SDF2: variants seen among roughly 807,000 people sequenced by gnomAD.
SDF2 encodes stromal cell derived factor 2.
Under a neutral mutation model 20.5 loss-of-function variants are expected in SDF2, and 12 were observed. The ratio of observed to expected loss-of-function variants is 0.58; its 90% CI spans 0.37 to 0.95. The LOEUF is 0.95. SDF2 is among the 40% of genes least tolerant of loss of function. The probability of loss-of-function intolerance (pLI) is 0.01; values close to 1 mark genes in which losing one functional copy is unlikely to be tolerated. For synonymous variants in SDF2, 100 were observed against 101.0 expected (o/e 0.99, Z 0.06); for missense variants, 238 against 263.1 (o/e 0.90, Z 0.66).
intron 2 of SDF2, among the ~76,000 whole-genome samples, chr17:28,652,468 G>A (rs2071923104): frequency 6.6e-6 from 1 of 152,074 alleles, no homozygotes; most frequent in Non-Finnish European, 1.5e-5. Context: ...CCGCCACCAT[G>A]CCCAGCTAAT....
intron 1 of SDF2, chr17:28,657,694 A>G (rs1472488190): frequency 1.3e-5 from 2 of 151,928 alleles, no homozygotes; most frequent in African/African-American, 4.8e-5. Context: ...CACCACACCC[A>G]GCCTAAAAAA....
intron 2 of SDF2, among the ~76,000 whole-genome samples, chr17:28,654,985 C>G (rs1426381729): frequency 6.6e-6 from 1 of 151,232 alleles, no homozygotes; most frequent in Non-Finnish European, 1.5e-5. Flanking sequence ...CAAAAATTAG[C>G]CAGGCATGGT....
intron 1 of SDF2, among the ~76,000 whole-genome samples, chr17:28,659,304 G>A (rs1173474723): frequency 1.1e-4 from 14 of 133,290 alleles, no homozygotes; most frequent in Non-Finnish European, 9.5e-5. Flanking sequence ...GGGCAGAGGC[G>A]CTCCCCACTT....
chr17:28,651,370 A>G (rs1294708664), intron 2 of SDF2: 1 of 152,198 alleles, frequency 6.6e-6, no homozygotes, highest in Non-Finnish European at 1.5e-5. Context: ...TGCCCTTAAA[A>G]TACTTTATAT....
chr17:28,661,028 C>A, intron 1 of SDF2: 1 of 369,118 alleles, frequency 2.7e-6, no homozygotes, highest in Admixed American at 3.7e-5. Context: ...TCATTAAGAC[C>A]TATGCTGAAT....
At chr17:28,656,259 T>C (rs2151583213) in intron 1 of SDF2, 1 of 152,108 alleles carries the variant, frequency 6.6e-6, no homozygotes, top group East Asian at 1.9e-4. Flanking sequence ...GGTGAGCCAC[T>C]GTGCCCAGCC....
intron 2 of SDF2, chr17:28,651,523 T>A (rs1177521209): frequency 6.6e-6 from 1 of 152,258 alleles, no homozygotes; most frequent in East Asian, 1.9e-4. Flanking sequence ...TGTAAATCCT[T>A]TGAGCCTTTG....
At chr17:28,655,990 T>G (rs963377981) in intron 1 of SDF2, 1 of 153,794 alleles carries the variant, frequency 6.5e-6, no homozygotes. Context: ...AATTAACAAA[T>G]AAATTTGGTA....
In SDF2 at chr17:28,649,173, T is replaced by A. The variant is rs2071890899; in HGVS notation, c.452A>T (p.Lys151Ile). Residue 151 changes from lysine (K) to isoleucine (I), a missense_variant, in exon 3 of 3, where the codon AAA (lysine) becomes ATA (isoleucine). Physicochemically the swap from Lys to Ile is moderately radical, Grantham distance 102. Transcript: ENST00000247020. ...CAGCAGTACCTCAGTGGAAGAGTGT[T>A]TGAACCGCACCTCACCATCTCTCAC... ...YWVRDGEVRF[K>I]HSSTEVLLSV... is the part of the protein sequence containing the mutation. 6.2e-6 allele frequency: 10 copies of A among 1,614,230 alleles called. No homozygotes were observed. The highest frequency in any genetic ancestry group is 8.5e-6 in the Non-Finnish European group (10 of 1,180,044).
At chr17:28,649,487 T>C (rs2071893912) in intron 2 of SDF2, among the ~76,000 whole-genome samples, 1 of 151,784 alleles carries the variant, frequency 6.6e-6, no homozygotes. Context: ...GGTGAAACGC[T>C]ATCCCTAAAA....
intron 1 of SDF2, among the ~76,000 whole-genome samples, chr17:28,658,865 C>T (rs948754563): frequency 3.1e-4 from 46 of 150,756 alleles, no homozygotes; most frequent in South Asian, 6.4e-4. Context: ...ACTTCCCAGA[C>T]GGGGCGGCCG....
intron 1 of SDF2, chr17:28,661,119 A>G: frequency 2.4e-6 from 1 of 421,866 alleles, no homozygotes; most frequent in South Asian, 1.7e-5. Context: ...TTTCTCTGCA[A>G]TTCCTGTCAC....
chr17:28,657,957 A>G (rs563237568), intron 1 of SDF2: 1 of 152,356 alleles, frequency 6.6e-6, no homozygotes, highest in Non-Finnish European at 1.5e-5. Flanking sequence ...CAAGGCTGCA[A>G]TGAGTCGTAA....
chr17:28,648,959 T>G lies in SDF2; in HGVS notation c.*30A>C. ...CAGCAACAGATGTCTGTGAACATTG[T>G]GCGTTAACAGTGGCTCAGAGCCTCT... On this transcript the variant is annotated 3_prime_UTR_variant, in exon 3 of 3. Transcript: ENST00000247020. 6.2e-7 allele frequency: 1 copy of G among 1,606,718 alleles called. No homozygotes were observed. The highest frequency in any genetic ancestry group is 1.1e-5 in the South Asian group (1 of 90,688).
intron 2 of SDF2, among the ~76,000 whole-genome samples, chr17:28,650,717 C>T (rs922749447): frequency 3.1e-5 from 4 of 130,490 alleles, no homozygotes; most frequent in Non-Finnish European, 4.7e-5. Context: ...ACCTGGGAGG[C>T]GGAGGTTGCC....
chr17:28,662,049 A>C, upstream of SDF2: 1 of 683,012 alleles, frequency 1.5e-6, no homozygotes, highest in South Asian at 2.0e-5. Context: ...TACTTACGAT[A>C]CTCTCGCTCT....
chr17:28,655,628 A>G (rs1344021381), intron 1 of SDF2, 145 bp from the exon 2 acceptor site: 5 of 710,820 alleles, frequency 7.0e-6, no homozygotes, highest in African/African-American at 5.3e-5. Context: ...GGTGTAATGG[A>G]TATTAATACT....
chr17:28,657,087 C>T (rs1335144642), intron 1 of SDF2, among the ~76,000 whole-genome samples: 4 of 151,872 alleles, frequency 2.6e-5, no homozygotes, highest in Non-Finnish European at 4.4e-5. Flanking sequence ...ATTAGCTGGG[C>T]GTGGTCGCAT....
chr17:28,661,833 G>C lies in SDF2; in HGVS notation c.44C>G (p.Ala15Gly). 1 of 1,614,076 alleles carries C rather than the reference G, an allele frequency of 6.2e-7. No homozygotes were observed. The highest frequency in any genetic ancestry group is 1.7e-5 in the Admixed American group (1 of 60,022). Reference sequence around the variant, plus strand: ...GACACCCAGGCTGGACGCTCCCACAGCGCTCCACAAACCCCCCAACAACAG... The same window carrying C: ...GACACCCAGGCTGGACGCTCCCACACCGCTCCACAAACCCCCCAACAACAG... ...PLLLLGGLWS[A>G]VGASSLGVVT... The change falls in exon 1 of 3, where the codon GCT becomes GGT. Residue 15 changes from alanine to glycine, a missense_variant. Ala to Gly is a moderately conservative substitution (Grantham distance 60). Coordinates refer to ENST00000247020, the MANE Select transcript of SDF2 (RefSeq NM_006923.4).
Sources: gnomAD v4.1 joint callset for allele counts (sites outside exome capture counted in the v4.1 genomes callset) on GRCh38, gnomAD v4.1.1 for gene constraint, MANE v1.5 for transcripts, NCBI Gene and HGNC (gene_info 2026-07-23, HGNC 2026-07-21) for gene names.